The following ADAMTS8 variants were observed in gnomAD, a reference collection of about 807,000 sequenced individuals.
ADAMTS8 encodes the protein A disintegrin and metalloproteinase with thrombospondin motifs 8.
Under a neutral mutation model 64.4 loss-of-function variants are expected in ADAMTS8, and 50 were observed. The observed-to-expected ratio is 0.78, with a 90% CI of 0.62 to 0.98. The LOEUF is 0.98. Ranked by LOEUF, ADAMTS8 falls within the 50% of genes least tolerant of loss-of-function variation. The pLI, the probability that ADAMTS8 is intolerant of heterozygous loss-of-function variation, is 0.00. For missense variants in ADAMTS8, 1,192 were observed against 1,208.2 expected (o/e 0.99, Z 0.20); for synonymous variants, 556 against 533.6 (o/e 1.04, Z -0.58).
At chr11:130,421,111 A>G (rs984904405) in intron 1 of ADAMTS8, among the ~76,000 whole-genome samples, 5 of 152,230 alleles carry the variant, frequency 3.3e-5, no homozygotes, top group African/African-American at 1.2e-4. Flanking sequence ...TGTAAAGCTA[A>G]GGAACACCAG....
chr11:130,416,943 G>T lies in ADAMTS8; in HGVS notation c.1093C>A (p.Leu365Ile), dbSNP rs778041040. The T allele has an allele frequency of 6.2e-7, 1 of 1,614,102 alleles. No homozygotes were observed. Among genetic ancestry groups the T allele is most frequent in the African/African-American group, 1.3e-5 (1 of 75,054 alleles). Residue 365 changes from leucine to isoleucine, a missense_variant, in exon 3 of 9, where the codon CTA becomes ATA. By Grantham distance (5) the Leu-to-Ile change is conservative. This residue lies in a region of ADAMTS8 where 741 missense variants were observed against 710.6 expected (regional missense o/e 1.04). Coordinates refer to ENST00000257359, the MANE Select transcript of ADAMTS8 (RefSeq NM_007037.6). This position sits in a 1 kb window ranked among gnomAD's most constrained non-coding sequence, Gnocchi z 4.8. ...LQAAHTLAHE[L>I]GHVLSMPHDD... The stretch of plus-strand genomic sequence containing the variant: ...GCTTTGGCACAGCAAATCTTACCTA[G>T]TTCATGGGCCAGGGTGTGGGCCGCC...
At position 130,427,466 on chromosome 11, in the gene ADAMTS8, T is replaced by TC. The variant is rs1412254217; in HGVS notation, c.720+100_720+101insG. The TC allele has an allele frequency of 1.1e-5, 12 of 1,080,378 alleles. No homozygotes were observed. In the African/African-American group the frequency reaches 2.0e-4, roughly 18 times the overall value. The allele number at this position is 1,080,378 out of a possible 1,614,324, so 66.9% of individuals were successfully genotyped here. A position where few individuals can be genotyped will look rare whatever the true frequency, so the allele number is the denominator to read the frequency against. On this transcript the variant is annotated intron_variant, in intron 1 of 8. Transcript: ENST00000257359. ...GTGGGGAGGGCTTTTTTTTTTTTTT[T>TC]TTTTTTTTCTCAGAGGGATTGGAAG...
At chr11:130,421,246 A>G (rs1010545492) in intron 1 of ADAMTS8, among the ~76,000 whole-genome samples, 13 of 152,164 alleles carry the variant, frequency 8.5e-5, no homozygotes, top group Non-Finnish European at 1.8e-4. Context: ...CAGTGCTCAC[A>G]TCCTCAGTGA....
chr11:130,406,440 C>T (rs1861886513), intron 8 of ADAMTS8, among the ~76,000 whole-genome samples: 2 of 152,184 alleles, frequency 1.3e-5, no homozygotes, highest in African/African-American at 4.8e-5. Context: ...TGGAAAGCTG[C>T]ACTGGTGTAG....
rs756979699 is a variant in ADAMTS8, at chr11:130,414,740, T to C, written c.1357A>G (p.Arg453Gly). The change falls in exon 5 of 9, where the codon AGG (arginine) becomes GGG (glycine). Residue 453 changes from arginine (R) to glycine (G), a missense_variant. Around this residue, in one of 5 missense-constraint regions of ADAMTS8, gnomAD observed 741 missense variants for 710.6 expected, o/e 1.04. Transcript: ENST00000257359. ...MALYQLDQQC[R>G]QIFGPDFRHC... ...CGGAAATCCGGCCCAAAGATCTGCC[T>C]GCACTGCTGGTCCAGCTGGTACAGG... is the stretch of plus-strand genomic sequence containing the variant. The C allele has an allele frequency of 4.3e-6, 7 of 1,613,620 alleles. No individual in the cohort carries two copies. The Admixed American group carries it at 1.2e-4, about 27-fold the overall frequency.
In ADAMTS8 at chr11:130,419,210, A is replaced by AC; in HGVS notation, c.802dup (p.Val268GlyfsTer9). On this transcript the variant is annotated frameshift_variant, in exon 2 of 9. Coordinates refer to ENST00000257359, the MANE Select transcript of ADAMTS8 (RefSeq NM_007037.6). LOFTEE classifies it high-confidence loss of function. ...TTCATCTTCTACGATCAGCACTTTT[A>AC]CCACCATCAGGTTGATGGAATTCTT... 1 of 1,613,918 alleles carries AC rather than the reference A, an allele frequency of 6.2e-7. No homozygotes were observed. The highest frequency in any genetic ancestry group is 8.5e-7 in the Non-Finnish European group (1 of 1,180,014).
chr11:130,408,669 G>A, intron 7 of ADAMTS8, 30 bp from the exon 8 acceptor site: 5 of 1,613,154 alleles, frequency 3.1e-6, no homozygotes, highest in Non-Finnish European at 4.2e-6. Flanking sequence ...GGTGAGGGAG[G>A]GCGTGTTGAG....
At chr11:130,409,011 G>T in intron 6 of ADAMTS8, 71 bp from the exon 7 acceptor site, 2 of 1,486,902 alleles carry the variant, frequency 1.3e-6, no homozygotes, top group South Asian at 1.4e-5. Context: ...GAGAAATCCC[G>T]AATTTACAGC....
chr11:130,414,480 C>T (rs1397882341), intron 5 of ADAMTS8, 51 bp downstream of exon 5: 1 of 1,530,994 alleles, frequency 6.5e-7, no homozygotes, highest in African/African-American at 1.4e-5. Flanking sequence ...CTCCCCATTT[C>T]CTTTTGTTTC....
chr11:130,413,465 A>G (rs1861978346), intron 5 of ADAMTS8, among the ~76,000 whole-genome samples: 1 of 152,134 alleles, frequency 6.6e-6, no homozygotes, highest in Non-Finnish European at 1.5e-5. Flanking sequence ...TGCTTGGGCC[A>G]CCCTGGCGAT....
At position 130,405,404 on chromosome 11, in the gene ADAMTS8, T is replaced by C; in HGVS notation, c.*154A>G. Reference sequence around the variant, plus strand: ...CCCTCTCCTCTTCCCCCTTAGGAATTTGTGCAGTACTGGAGGGGTTGCGGC... The same window carrying C: ...CCCTCTCCTCTTCCCCCTTAGGAATCTGTGCAGTACTGGAGGGGTTGCGGC... On this transcript the variant is annotated 3_prime_UTR_variant, in exon 9 of 9. Transcript: ENST00000257359. 1 of 1,443,632 alleles carries C rather than the reference T, an allele frequency of 6.9e-7. No individual in the cohort carries two copies. Among genetic ancestry groups the C allele is most frequent in the South Asian group, 1.6e-5 (1 of 64,048 alleles). The allele number at this position is 1,443,632 out of a possible 1,614,324, so 89.4% of individuals were successfully genotyped here.
At chr11:130,417,189 C>T (rs1015887777) in intron 2 of ADAMTS8, 114 bp from the exon 3 acceptor site, 6 of 1,340,724 alleles carry the variant, frequency 4.5e-6, no homozygotes, top group Non-Finnish European at 6.2e-6. Flanking sequence ...CTGAGCGTCC[C>T]ATAACATGTT....
intron 4 of ADAMTS8, 86 bp from the exon 5 acceptor site, chr11:130,414,918 A>C: frequency 7.3e-7 from 1 of 1,375,512 alleles, no homozygotes; most frequent in Non-Finnish European, 9.7e-7. Context: ...GATGGCACTG[A>C]AGGTCTAGGT....
Position 130,428,314 on chromosome 11 carries a change from G to T in ADAMTS8, c.-28C>A. The T allele has an allele frequency of 7.9e-7, 1 of 1,258,352 alleles. No homozygotes were observed. The highest frequency in any genetic ancestry group is 3.5e-5 in the Admixed American group (1 of 28,660). 77.9% of individuals were successfully genotyped at this position (1,258,352 alleles called of 1,614,324 possible). A position where few individuals can be genotyped will look rare whatever the true frequency, so the allele number is the denominator to read the frequency against. Reference sequence around the variant, plus strand: ...GGGCTGCGGCGGTGGCTGCGCGCAGGAGAGGGAAGAAGCCCGCCAGGCGCG... The same window carrying T: ...GGGCTGCGGCGGTGGCTGCGCGCAGTAGAGGGAAGAAGCCCGCCAGGCGCG... On this transcript the variant is annotated 5_prime_UTR_variant, in exon 1 of 9. Coordinates refer to ENST00000257359, the MANE Select transcript of ADAMTS8 (RefSeq NM_007037.6).
intron 1 of ADAMTS8, among the ~76,000 whole-genome samples, chr11:130,423,171 A>T (rs973702465): frequency 6.6e-6 from 1 of 152,208 alleles, no homozygotes; most frequent in African/African-American, 2.4e-5. Context: ...CAAGGCTTGC[A>T]AGCAGCAAGT....
At position 130,427,933 on chromosome 11, in the gene ADAMTS8, C is replaced by T; in HGVS notation, c.354G>A (p.Leu118=). 2 of 1,532,698 alleles carry T rather than the reference C, an allele frequency of 1.3e-6. No individual in the cohort carries two copies. Among genetic ancestry groups the T allele is most frequent in the Non-Finnish European group, 1.7e-6 (2 of 1,145,960 alleles). 94.9% of individuals were successfully genotyped at this position (1,532,698 alleles called of 1,614,324 possible). A position where few individuals can be genotyped will look rare whatever the true frequency, so the allele number is the denominator to read the frequency against. ...GGAAGGAGCCGCTCAGCCCGCGGCA[C>T]AGGCTGACCGCCGCCAGCGACTCGG... ...GEPESLAAVS[L]CRGLSGSFLL... is the part of the protein sequence containing the mutation. The change falls in exon 1 of 9, where the codon CTG becomes CTA. Residue 118 remains leucine, a synonymous_variant. Coordinates refer to ENST00000257359, the MANE Select transcript of ADAMTS8 (RefSeq NM_007037.6).
chr11:130,410,237 G>C (rs1861936022), intron 6 of ADAMTS8, among the ~76,000 whole-genome samples: 1 of 152,188 alleles, frequency 6.6e-6, no homozygotes, highest in African/African-American at 2.4e-5. Flanking sequence ...TGTAATGGCT[G>C]TGTTAAAGGG....
rs1862025681 is a variant in ADAMTS8 at position 130,416,398 on chromosome 11, G to T, written c.1097-68C>A. 6.8e-7 allele frequency: 1 copy of T among 1,462,360 alleles called. No homozygotes were observed. The highest frequency in any genetic ancestry group is 9.1e-7 in the Non-Finnish European group (1 of 1,102,472). The allele number at this position is 1,462,360 out of a possible 1,614,324, so 90.6% of individuals were successfully genotyped here. Reference sequence around the variant, plus strand: ...GGGCGCCCCACCTGGCCCAGCTAGGGACAGAGATGGAGCTCCTCAGGGGAG... The same window carrying T: ...GGGCGCCCCACCTGGCCCAGCTAGGTACAGAGATGGAGCTCCTCAGGGGAG... On this transcript the variant is annotated intron_variant, in intron 3 of 8. Coordinates refer to ENST00000257359, the MANE Select transcript of ADAMTS8 (RefSeq NM_007037.6). The surrounding 1 kb of genome is among the most constrained non-coding windows in gnomAD (Gnocchi z 4.8).
intron 1 of ADAMTS8, among the ~76,000 whole-genome samples, chr11:130,425,111 C>A (rs1004366487): frequency 1.3e-5 from 2 of 151,986 alleles, no homozygotes; most frequent in African/African-American, 2.4e-5. Flanking sequence ...GGATGGGGAG[C>A]GGGGCAAGCA....
Sources: gnomAD v4.1 joint callset for allele counts (sites outside exome capture counted in the v4.1 genomes callset) on GRCh38, gnomAD v4.1.1 for gene constraint, gnomAD v4.1.1 regional missense constraint, Gnocchi (gnomAD v3.1) non-coding constraint, MANE v1.5 for transcripts, NCBI Gene and HGNC (gene_info 2026-07-23, HGNC 2026-07-21) for gene names.